CIROZ: variants seen among roughly 807,000 people sequenced by gnomAD.
CIROZ encodes ciliated left-right organizer ZP-N domains-containing protein.
At chr1:10,957,396 T>C in the CIROZ span, among the ~76,000 whole-genome samples, 4 of 152,258 alleles carry the variant, frequency 2.6e-5, no homozygotes, top group Non-Finnish European at 5.9e-5. Flanking sequence ...CCTGCCGCCA[T>C]GATCAGGACG....
the CIROZ span, among the ~76,000 whole-genome samples, chr1:10,974,944 C>A: frequency 6.6e-6 from 1 of 151,940 alleles, no homozygotes; most frequent in Admixed American, 6.6e-5. The surrounding 1 kb of genome is among the most constrained non-coding windows in gnomAD (Gnocchi z 4.4). Flanking sequence ...AACCTTGTAG[C>A]ACAAAAATAG....
the CIROZ span, among the ~76,000 whole-genome samples, chr1:10,970,994 T>C: frequency 5.6e-4 from 80 of 143,132 alleles, 1 homozygote; most frequent in South Asian, 2.1e-3. Context: ...AAAAAATTTT[T>C]TGTTTAAATT....
chr1:10,954,917 A>G, the CIROZ span: 1 of 1,457,232 alleles, frequency 6.9e-7, no homozygotes, highest in Non-Finnish European at 9.3e-7. Flanking sequence ...CTGACCACAT[A>G]TGGCATCGGT....
chr1:10,972,277 C>A, the CIROZ span, among the ~76,000 whole-genome samples: 1 of 152,200 alleles, frequency 6.6e-6, no homozygotes, highest in Non-Finnish European at 1.5e-5. Context: ...CAGTGGTGCA[C>A]ATCTGTAGAC....
At chr1:10,948,855 A>G in the CIROZ span, 1 of 1,479,594 alleles carries the variant, frequency 6.8e-7, no homozygotes, top group Admixed American at 2.3e-5. Context: ...CTTCACCAAG[A>G]GAGAAGTGGA....
chr1:10,964,875 C>G, the CIROZ span, among the ~76,000 whole-genome samples: 1 of 152,206 alleles, frequency 6.6e-6, no homozygotes, highest in Non-Finnish European at 1.5e-5. Flanking sequence ...AAGTGATCCG[C>G]TCATCTTGGC....
the CIROZ span, among the ~76,000 whole-genome samples, chr1:10,952,992 C>A: frequency 6.6e-6 from 1 of 152,150 alleles, no homozygotes; most frequent in East Asian, 1.9e-4. Context: ...GTCATCACTG[C>A]AGGAAACTGT....
the CIROZ span, among the ~76,000 whole-genome samples, chr1:10,980,008 T>C: frequency 6.6e-6 from 1 of 152,108 alleles, no homozygotes; most frequent in African/African-American, 2.4e-5. Flanking sequence ...GATCTCACCA[T>C]TGCGCTCCAG....
At chr1:10,981,896 TC>T in the CIROZ span, 1 of 1,356,430 alleles carries the variant, frequency 7.4e-7, no homozygotes, top group South Asian at 1.3e-5. Flanking sequence ...TTGGCCCCCT[TC>T]CCTCTTAGAT....
chr1:10,953,149 A>G, the CIROZ span, among the ~76,000 whole-genome samples: 1 of 152,100 alleles, frequency 6.6e-6, no homozygotes, highest in Admixed American at 6.6e-5. Flanking sequence ...CCCCCTTTTA[A>G]TCTTTAAATA....
the CIROZ span, chr1:10,949,471 G>A: frequency 1.2e-6 from 1 of 867,542 alleles, no homozygotes; most frequent in Admixed American, 2.5e-5. Context: ...CTGAATTTGA[G>A]GAGGTAACAT....
chr1:10,981,559 G>A, the CIROZ span, among the ~76,000 whole-genome samples: 64 of 148,296 alleles, frequency 4.3e-4, no homozygotes, highest in Admixed American at 1.0e-3. Flanking sequence ...AAGGAAGGGA[G>A]GGAAGGAAGG....
the CIROZ span, among the ~76,000 whole-genome samples, chr1:10,950,187 C>T: frequency 5.3e-5 from 8 of 151,998 alleles, no homozygotes; most frequent in African/African-American, 1.9e-4. Flanking sequence ...GTGTGCACCA[C>T]CATGCCCAAC....
At chr1:10,954,467 AGAAAAG>A in the CIROZ span, among the ~76,000 whole-genome samples, 57 of 130,282 alleles carry the variant, frequency 4.4e-4, no homozygotes, top group African/African-American at 1.6e-3. Flanking sequence ...AAAAAAAAAA[AGAAAAG>A]AAAAGAAAAG....
the CIROZ span, chr1:10,946,613 ACT>A: frequency 6.6e-6 from 1 of 152,108 alleles, no homozygotes; most frequent in Non-Finnish European, 1.5e-5. Flanking sequence ...CCAGGGAAGC[ACT>A]GAGTGAGTGC....
chr1:10,954,664 G>T, the CIROZ span, among the ~76,000 whole-genome samples: 2 of 152,126 alleles, frequency 1.3e-5, no homozygotes, highest in African/African-American at 4.8e-5. Context: ...TTTTGAGACA[G>T]GGTCTCACTC....
the CIROZ span, among the ~76,000 whole-genome samples, chr1:10,981,806 G>A: frequency 3.9e-5 from 6 of 152,174 alleles, no homozygotes; most frequent in Admixed American, 6.6e-5. Flanking sequence ...CATGAGAAAG[G>A]TGGGAGAGAC....
the CIROZ span, among the ~76,000 whole-genome samples, chr1:10,956,066 G>A: frequency 3.3e-5 from 5 of 152,074 alleles, no homozygotes; most frequent in Non-Finnish European, 5.9e-5. Context: ...AATCCCCAGA[G>A]CCCTGAGCCC....
chr1:10,975,508 G>C, the CIROZ span, among the ~76,000 whole-genome samples: 1 of 150,748 alleles, frequency 6.6e-6, no homozygotes, highest in Non-Finnish European at 1.5e-5. Context: ...AGAATCACTG[G>C]AACCTGGGAG....
Sources: allele counts gnomAD v4.1 joint callset (sites outside exome capture counted in the v4.1 genomes callset), GRCh38; gene constraint gnomAD v4.1.1; non-coding constraint Gnocchi (gnomAD v3.1); transcripts MANE v1.5; gene names NCBI Gene and HGNC (gene_info 2026-07-23, HGNC 2026-07-21).